Variants in ZFHX3 observed in about 807,000 individuals in gnomAD.
ZFHX3 encodes zinc finger homeobox 3.
Under a neutral mutation model 279.1 loss-of-function variants are expected in ZFHX3, and 42 were observed. The ratio of observed to expected loss-of-function variants is 0.15; its 90% CI spans 0.12 to 0.19. The LOEUF is 0.19. Among genes scored for constraint, ZFHX3 ranks in the 10% least tolerant of loss-of-function variants. The pLI, the probability that ZFHX3 is intolerant of heterozygous loss-of-function variation, is 1.00. For missense variants in ZFHX3, 4,981 were observed against 4,754.0 expected (o/e 1.05, Z -1.40); for synonymous variants, 2,293 against 1,957.8 (o/e 1.17, Z -4.52).
At chr16:72,844,541 G>A (rs1162332016) in intron 4 of ZFHX3, among the ~76,000 whole-genome samples, 3 of 152,138 alleles carry the variant, frequency 2.0e-5, no homozygotes, top group Non-Finnish European at 4.4e-5. Context: ...TGTATTTTAA[G>A]GCCCAAAACA....
intron 4 of ZFHX3, among the ~76,000 whole-genome samples, chr16:73,260,825 G>A (rs964472642): frequency 2.0e-5 from 3 of 150,808 alleles, no homozygotes; most frequent in Non-Finnish European, 4.4e-5. Flanking sequence ...TGGGATTACA[G>A]GCGCCCACCA....
chr16:72,918,984 C>T (rs1398064990), intron 3 of ZFHX3, among the ~76,000 whole-genome samples: 1 of 151,752 alleles, frequency 6.6e-6, no homozygotes, highest in Non-Finnish European at 1.5e-5. Flanking sequence ...GCGTGAGCCA[C>T]CGCACCCGGC....
chr16:73,874,676 C>A (rs146145718), intron 1 of ZFHX3, among the ~76,000 whole-genome samples: 1 of 152,084 alleles, frequency 6.6e-6, no homozygotes, highest in South Asian at 2.1e-4. Flanking sequence ...ATTTGACTTA[C>A]CTGTTTGTGT....
intron 1 of ZFHX3, among the ~76,000 whole-genome samples, chr16:73,707,954 A>G (rs1489634651): frequency 6.6e-6 from 1 of 152,070 alleles, no homozygotes; most frequent in East Asian, 1.9e-4. Context: ...TTTATATTAT[A>G]GAAAAAAATG....
At chr16:73,118,161 T>C (rs1035926023) in intron 7 of ZFHX3, among the ~76,000 whole-genome samples, 2 of 152,216 alleles carry the variant, frequency 1.3e-5, no homozygotes, top group Admixed American at 1.3e-4. Context: ...CTATATTAGA[T>C]ACCAAGAATT....
chr16:73,150,185 C>A (rs1024575679), intron 5 of ZFHX3, among the ~76,000 whole-genome samples: 1 of 152,184 alleles, frequency 6.6e-6, no homozygotes, highest in African/African-American at 2.4e-5. Flanking sequence ...ACTCTTCCCC[C>A]ACCACAGACT....
At chr16:73,157,952 G>A (rs939086144) in intron 5 of ZFHX3, among the ~76,000 whole-genome samples, 63 of 151,892 alleles carry the variant, frequency 4.1e-4, no homozygotes, top group African/African-American at 1.4e-3. Context: ...ATGAGTTGAG[G>A]AAAATGAACA....
intron 1 of ZFHX3, among the ~76,000 whole-genome samples, chr16:73,022,043 C>T (rs1964318014): frequency 6.6e-6 from 1 of 152,110 alleles, no homozygotes; most frequent in South Asian, 2.1e-4. Flanking sequence ...CTACTGCTCA[C>T]CCCCTGCCCT....
Position 73,759,694 on chromosome 16 carries a change from A to G in ZFHX3, c.-1607-79454T>C, listed in dbSNP as rs16972512. ...CTTTATTTCTGAAATGGGATCCTTG[A>G]TTCTCATAAACCCTTAAACTGGAGG... On this transcript the variant is annotated intron_variant, in intron 1 of 17. Coordinates refer to the ZFHX3 transcript ENST00000641206. Among the ~76,000 whole-genome samples, 820 of 152,280 alleles carry G rather than the reference A, an allele frequency of 5.4e-3. 10 individuals carry two copies. Among genetic ancestry groups the G allele is most frequent in the African/African-American group, 0.019 (794 of 41,558 alleles).
chr16:73,520,071 T>C (rs539926367), intron 2 of ZFHX3, among the ~76,000 whole-genome samples: 39 of 152,330 alleles, frequency 2.6e-4, no homozygotes, highest in South Asian at 8.3e-4. Context: ...AGACTCATTG[T>C]AAACTTGATT....
At chr16:73,581,659 C>CCTT (rs2051861771) in intron 2 of ZFHX3, among the ~76,000 whole-genome samples, 12 of 73,428 alleles carry the variant, frequency 1.6e-4, no homozygotes, top group Non-Finnish European at 3.2e-4. Flanking sequence ...TCGAATGTCT[C>CCTT]TTTTTTTTTT....
intron 1 of ZFHX3, among the ~76,000 whole-genome samples, chr16:72,975,368 G>T (rs1300552107): frequency 6.6e-6 from 1 of 152,150 alleles, no homozygotes; most frequent in Non-Finnish European, 1.5e-5. Context: ...ACTTGAACCC[G>T]GGAGGCAGAA....
intron 4 of ZFHX3, among the ~76,000 whole-genome samples, chr16:73,273,936 A>T (rs917365812): frequency 6.6e-6 from 1 of 152,178 alleles, no homozygotes; most frequent in Admixed American, 6.5e-5. Flanking sequence ...CGAGGTCAGG[A>T]GTTTGAGACC....
At position 72,787,533 on chromosome 16, in the gene ZFHX3, A is replaced by G. The variant is rs1478122967; in HGVS notation, c.10743T>C (p.Pro3581=). The change falls in exon 10 of 10, where the codon CCT becomes CCC. Residue 3581 remains proline (P), a synonymous_variant. Transcript: ENST00000268489. ...LLPHSACFPD[P]STASTSQSAA... ...CAGACTGCGAGGTAGATGCGGTGCT[A>G]GGATCGGGGAAGCAGGCAGAGTGAG... is the stretch of plus-strand genomic sequence containing the variant. 59 of 1,613,798 alleles carry G rather than the reference A, an allele frequency of 3.7e-5. No individual in the cohort carries two copies. Among genetic ancestry groups the G allele is most frequent in the Non-Finnish European group, 4.9e-5 (58 of 1,179,944 alleles).
intron 1 of ZFHX3, among the ~76,000 whole-genome samples, chr16:73,001,412 C>A (rs1240164662): frequency 2.6e-5 from 4 of 152,198 alleles, no homozygotes; most frequent in Admixed American, 2.0e-4. Flanking sequence ...TCCTGACCCA[C>A]AGAAACTGTA....
intron 4 of ZFHX3, among the ~76,000 whole-genome samples, chr16:72,849,346 A>T (rs1401629131): frequency 6.6e-6 from 1 of 152,188 alleles, no homozygotes; most frequent in African/African-American, 2.4e-5. Context: ...GGGGGACAAA[A>T]GCAGGGCTCA....
intron 5 of ZFHX3, among the ~76,000 whole-genome samples, chr16:73,240,051 GTA>G (rs1008007101): frequency 7.4e-5 from 11 of 148,048 alleles, no homozygotes; most frequent in African/African-American, 2.1e-4. Context: ...GTGTGTGTGT[GTA>G]TATCTATACA....
At chr16:73,696,913 C>T (rs1391223019) in intron 1 of ZFHX3, among the ~76,000 whole-genome samples, 1 of 151,988 alleles carries the variant, frequency 6.6e-6, no homozygotes, top group Admixed American at 6.6e-5. Flanking sequence ...ATATAACAAT[C>T]AATAGTGAGC....
intron 4 of ZFHX3, among the ~76,000 whole-genome samples, chr16:73,261,975 CT>C (rs1362228858): frequency 8.5e-5 from 13 of 152,126 alleles, no homozygotes; most frequent in Admixed American, 2.6e-4. Flanking sequence ...GCACCCAGCC[CT>C]GTGATTCTTT....
Sources: gnomAD v4.1 joint callset for allele counts (sites outside exome capture counted in the v4.1 genomes callset) on GRCh38, gnomAD v4.1.1 for gene constraint, MANE v1.5 for transcripts, NCBI Gene and HGNC (gene_info 2026-07-23, HGNC 2026-07-21) for gene names.